The following CDH7 variants were observed in gnomAD, a reference collection of about 807,000 sequenced individuals.
CDH7 encodes cadherin-7.
A neutral mutation model predicts 71.8 loss-of-function variants in CDH7; 25 were observed. The observed-to-expected ratio is 0.35, with a 90% CI of 0.25 to 0.49. CDH7 has a LOEUF of 0.49. Among genes scored for constraint, CDH7 ranks in the 20% least tolerant of loss-of-function variants. The probability of loss-of-function intolerance (pLI) is 0.99; values close to 1 mark genes in which losing one functional copy is unlikely to be tolerated. For missense variants in CDH7, 862 were observed against 974.6 expected, an observed-to-expected ratio of 0.88 and a Z score of 1.54; for synonymous variants, 381 against 363.8, an observed-to-expected ratio of 1.05 and a Z score of -0.54.
At chr18:65,820,607 A>G (rs1275481008) in intron 4 of CDH7, among the ~76,000 whole-genome samples, 2 of 152,194 alleles carry the variant, frequency 1.3e-5, no homozygotes, top group Admixed American at 6.5e-5. Context: ...CTTGTCAAAA[A>G]TACGTTCAAT....
intron 3 of CDH7, 73 bp downstream of exon 3, chr18:65,810,071 A>G: frequency 8.1e-7 from 1 of 1,234,532 alleles, no homozygotes; most frequent in Admixed American, 2.6e-5. Context: ...TTAAATCATC[A>G]TTAAGTACTG....
At chr18:65,763,148 C>G in intron 2 of CDH7, 96 bp downstream of exon 2, 1 of 656,642 alleles carries the variant, frequency 1.5e-6, no homozygotes, top group Non-Finnish European at 2.3e-6. Flanking sequence ...TTATTTTTTG[C>G]TATGGGGATG....
intron 2 of CDH7, among the ~76,000 whole-genome samples, chr18:65,808,758 G>A: frequency 6.6e-6 from 1 of 152,088 alleles, no homozygotes; most frequent in African/African-American, 2.4e-5. Flanking sequence ...GCAGTGAAAA[G>A]CTTTATTATT....
chr18:65,756,248 A>G (rs991266002), intron 1 of CDH7, among the ~76,000 whole-genome samples: 5 of 152,138 alleles, frequency 3.3e-5, no homozygotes, highest in Admixed American at 2.6e-4. Flanking sequence ...TATTATTCCA[A>G]CTGTGATGTC....
chr18:65,880,110 G>A (rs987350392), intron 11 of CDH7, among the ~76,000 whole-genome samples: 2 of 152,090 alleles, frequency 1.3e-5, no homozygotes, highest in African/African-American at 4.8e-5. Context: ...TCATGAACTG[G>A]CCCTTCAATT....
rs1278282615 is a variant in CDH7 at position 65,857,918 on chromosome 18, T to C, written c.1338T>C (p.Ala446=). The C allele has an allele frequency of 5.0e-6, 8 of 1,613,586 alleles. No homozygotes were observed. Among genetic ancestry groups the C allele is most frequent in the Non-Finnish European group, 6.8e-6 (8 of 1,179,758 alleles). Residue 446 remains alanine, a synonymous_variant, in exon 8 of 12, where the codon GCT becomes GCC. Coordinates refer to ENST00000397968, the MANE Select transcript of CDH7 (RefSeq NM_004361.5). ...TAKSLDRETN[A]IHNITVLAME... ...AGTCTTTGGATCGAGAGACAAATGC[T>C]ATTCACAATATCACAGTCCTTGCAA...
At chr18:65,840,167 T>G (rs1199874445) in intron 6 of CDH7, among the ~76,000 whole-genome samples, 1 of 152,230 alleles carries the variant, frequency 6.6e-6, no homozygotes, top group Non-Finnish European at 1.5e-5. Flanking sequence ...ATTCTTTTTA[T>G]TTAATCCTAA....
chr18:65,862,602 T>C (rs1235793587), intron 10 of CDH7, 64 bp from the exon 11 acceptor site: 1 of 1,522,942 alleles, frequency 6.6e-7, no homozygotes, highest in African/African-American at 1.4e-5. Context: ...GTGACTTAAA[T>C]AAAGTTTGGG....
intron 5 of CDH7, among the ~76,000 whole-genome samples, 183 bp downstream of exon 5, chr18:65,822,431 G>A (rs1285980445): frequency 6.6e-6 from 1 of 152,012 alleles, no homozygotes; most frequent in East Asian, 1.9e-4. Flanking sequence ...TAAGGGTATT[G>A]AGAAGAAATA....
At chr18:65,784,783 G>T (rs1910452185) in intron 2 of CDH7, among the ~76,000 whole-genome samples, 1 of 152,042 alleles carries the variant, frequency 6.6e-6, no homozygotes, top group African/African-American at 2.4e-5. Flanking sequence ...ACAATTCTCG[G>T]AACTTGATTT....
At chr18:65,849,371 TTTCTTTTC>T in intron 7 of CDH7, among the ~76,000 whole-genome samples, 1 of 99,168 alleles carries the variant, frequency 1.0e-5, no homozygotes, top group African/African-American at 5.3e-5. Context: ...TTTCTTTTCT[TTTCTTTTC>T]TTTTCTTTTC....
intron 4 of CDH7, 106 bp from the exon 5 acceptor site, chr18:65,821,975 A>G (rs1309524122): frequency 8.6e-6 from 7 of 815,182 alleles, no homozygotes; most frequent in African/African-American, 1.7e-5. Flanking sequence ...AAACAAAACA[A>G]CAAAAGGCAA....
In CDH7 at chr18:65,829,597, G is replaced by A. The variant is rs545016222; in HGVS notation, c.981+4766G>A. On this transcript the variant is annotated intron_variant, in intron 6 of 11. Coordinates refer to ENST00000397968, the MANE Select transcript of CDH7 (RefSeq NM_004361.5). ...TGTAATTCCTGGAGAGCAACGTAAA[G>A]TTTTTTCCAGTTCTTCAAACCTCCC... Among the ~76,000 whole-genome samples the A allele has an allele frequency of 4.8e-4, 73 of 151,996 alleles. 1 individual carries two copies. The highest frequency in any genetic ancestry group is 3.4e-3 in the Middle Eastern group (1 of 292).
At chr18:65,851,896 A>G (rs1913163483) in intron 7 of CDH7, among the ~76,000 whole-genome samples, 1 of 152,170 alleles carries the variant, frequency 6.6e-6, no homozygotes, top group East Asian at 1.9e-4. Context: ...AGCATTTGGT[A>G]AGATCCACGG....
chr18:65,750,650 T>A (rs1915836905), upstream of CDH7: 1 of 152,006 alleles, frequency 6.6e-6, no homozygotes, highest in African/African-American at 2.4e-5. Flanking sequence ...CCCCACCGGG[T>A]CTCTGGGAGG....
intron 2 of CDH7, among the ~76,000 whole-genome samples, chr18:65,789,807 G>A (rs1257054680): frequency 6.6e-6 from 1 of 152,090 alleles, no homozygotes; most frequent in South Asian, 2.1e-4. Context: ...ACTCATTGTT[G>A]CATTTACAGC....
chr18:65,877,074 A>T (rs1914093686), intron 11 of CDH7, among the ~76,000 whole-genome samples: 1 of 152,238 alleles, frequency 6.6e-6, no homozygotes, highest in African/African-American at 2.4e-5. Flanking sequence ...TATGAAGAAC[A>T]GTTAATTCTT....
At chr18:65,826,116 T>C (rs999347135) in intron 6 of CDH7, among the ~76,000 whole-genome samples, 2 of 151,500 alleles carry the variant, frequency 1.3e-5, no homozygotes, top group Non-Finnish European at 3.0e-5. Context: ...TCTAATTTTA[T>C]AATATCATTT....
intron 7 of CDH7, among the ~76,000 whole-genome samples, chr18:65,849,668 C>T (rs1186425683): frequency 6.6e-6 from 1 of 151,774 alleles, no homozygotes; most frequent in Non-Finnish European, 1.5e-5. Context: ...CTGCCTCAGC[C>T]TCCCAAAGTG....
Sources: gnomAD v4.1 joint callset for allele counts (sites outside exome capture counted in the v4.1 genomes callset) on GRCh38, gnomAD v4.1.1 for gene constraint, MANE v1.5 for transcripts, NCBI Gene and HGNC (gene_info 2026-07-23, HGNC 2026-07-21) for gene names.